The following NLGN1 variants were observed in gnomAD, a reference collection of about 807,000 sequenced individuals.
The protein encoded by NLGN1 is neuroligin 1.
NLGN1 carries 12 observed loss-of-function variants against 65.5 expected under a neutral mutation model. The observed-to-expected ratio is 0.18, with a 90% CI of 0.12 to 0.30. The LOEUF is 0.30. Ranked by LOEUF, NLGN1 falls within the 10% of genes least tolerant of loss-of-function variation. NLGN1 has a pLI of 1.00. For synonymous variants in NLGN1, 350 were observed against 359.5 expected (o/e 0.97, Z 0.30); for missense variants, 750 against 1,007.1 (o/e 0.74, Z 3.46).
At chr3:173,866,252 T>C (rs549081218) in intron 4 of NLGN1, among the ~76,000 whole-genome samples, 1 of 152,224 alleles carries the variant, frequency 6.6e-6, no homozygotes, top group South Asian at 2.1e-4. Context: ...AGTAATTAGA[T>C]AGGTAGTGAT....
At chr3:173,813,506 A>G (rs374226552) in intron 4 of NLGN1, among the ~76,000 whole-genome samples, 190 of 152,348 alleles carry the variant, frequency 1.2e-3, no homozygotes, top group African/African-American at 4.5e-3. Flanking sequence ...AAGGCCACAA[A>G]GAGTGGAGTA....
intron 3 of NLGN1, among the ~76,000 whole-genome samples, chr3:173,639,946 T>G (rs940605115): frequency 6.6e-6 from 1 of 152,150 alleles, no homozygotes; most frequent in East Asian, 1.9e-4. Context: ...CTGTCTCTTT[T>G]CTTCTTCCCA....
intron 4 of NLGN1, 132 bp downstream of exon 4, chr3:173,807,964 T>G: frequency 1.2e-6 from 1 of 816,574 alleles, no homozygotes; most frequent in Non-Finnish European, 2.0e-6. Flanking sequence ...CGAGCCCAAA[T>G]TTTTTATAGT....
In NLGN1 at chr3:173,676,162, G is replaced by A. The variant is rs77303583; in HGVS notation, c.493+71071G>A. Among the ~76,000 whole-genome samples the A allele has an allele frequency of 6.6e-3, 997 of 152,032 alleles. 13 individuals are homozygous for A. Among genetic ancestry groups the A allele is most frequent in the African/African-American group, 0.023 (951 of 41,490 alleles). Reference sequence around the variant, plus strand: ...TAATAATAATAAGATATAGCAAAAGGAAACTAGAAAGAAAATGCTTCATTG... The same window carrying A: ...TAATAATAATAAGATATAGCAAAAGAAAACTAGAAAGAAAATGCTTCATTG... On this transcript the variant is annotated intron_variant, in intron 3 of 6. Coordinates refer to ENST00000457714, the Ensembl canonical transcript of NLGN1.
chr3:174,053,622 G>T (rs1735393742), intron 4 of NLGN1, among the ~76,000 whole-genome samples: 1 of 151,980 alleles, frequency 6.6e-6, no homozygotes, highest in Non-Finnish European at 1.5e-5. Context: ...TCCTCTAGGT[G>T]CTAGCATTGA....
chr3:174,236,303 C>A (rs2152824216), intron 4 of NLGN1, among the ~76,000 whole-genome samples: 1 of 152,090 alleles, frequency 6.6e-6, no homozygotes, highest in South Asian at 2.1e-4. Flanking sequence ...TTCTCTATGC[C>A]TATATATATT....
intron 2 of NLGN1, among the ~76,000 whole-genome samples, chr3:173,526,748 C>G (rs1408730520): frequency 6.6e-6 from 1 of 152,208 alleles, no homozygotes; most frequent in Non-Finnish European, 1.5e-5. Flanking sequence ...GCTTTCCCCA[C>G]TACCCTTTCC....
chr3:173,771,757 A>C (rs2150266777), intron 3 of NLGN1, among the ~76,000 whole-genome samples: 1 of 147,548 alleles, frequency 6.8e-6, no homozygotes, highest in Middle Eastern at 3.4e-3. Context: ...ACTTTTAATA[A>C]AAACTTTTTA....
intron 2 of NLGN1, among the ~76,000 whole-genome samples, chr3:173,589,533 G>A (rs1321815772): frequency 6.6e-6 from 1 of 152,212 alleles, no homozygotes; most frequent in Non-Finnish European, 1.5e-5. Flanking sequence ...GGCAGTGCAT[G>A]TGGAGGAAAA....
intron 4 of NLGN1, among the ~76,000 whole-genome samples, chr3:173,947,429 C>T (rs1302842627): frequency 6.6e-6 from 1 of 152,120 alleles, no homozygotes; most frequent in Non-Finnish European, 1.5e-5. Flanking sequence ...GTCCTTAGCA[C>T]TTTGTATATT....
At chr3:174,156,821 G>A (rs1402789658) in intron 4 of NLGN1, among the ~76,000 whole-genome samples, 1 of 151,524 alleles carries the variant, frequency 6.6e-6, no homozygotes, top group South Asian at 2.1e-4. Context: ...GCAAAGCTAC[G>A]TGGCAAGTTA....
Position 174,279,873 on chromosome 3 carries a change from C to T in NLGN1, c.1649+223C>T, listed in dbSNP as rs1002806420. Among the ~76,000 whole-genome samples, 1 of 151,894 alleles carries T rather than the reference C, an allele frequency of 6.6e-6. No homozygotes were observed. The highest frequency in any genetic ancestry group is 2.4e-5 in the African/African-American group (1 of 41,396). On this transcript the variant is annotated intron_variant, in intron 6 of 6. Transcript: ENST00000457714. This position sits in a 1 kb window ranked among gnomAD's most constrained non-coding sequence, Gnocchi z 4.7. ...GTTAAGAAAGCACATATCTCAATTG[C>T]ATTACTTAATTACATCTGCTTTTGG... is the stretch of plus-strand genomic sequence containing the variant.
At chr3:173,802,298 A>G (rs1715604259) in intron 3 of NLGN1, among the ~76,000 whole-genome samples, 1 of 152,174 alleles carries the variant, frequency 6.6e-6, no homozygotes, top group Non-Finnish European at 1.5e-5. Flanking sequence ...GCCATTTAAA[A>G]TATCCTAAAA....
intron 3 of NLGN1, among the ~76,000 whole-genome samples, chr3:173,659,926 G>A (rs541041178): frequency 6.6e-6 from 1 of 152,012 alleles, no homozygotes; most frequent in East Asian, 1.9e-4. Flanking sequence ...CCATCTTGCA[G>A]GCTAAATGTG....
chr3:174,074,282 GC>G (rs1368511171), intron 4 of NLGN1, among the ~76,000 whole-genome samples: 2 of 152,064 alleles, frequency 1.3e-5, no homozygotes, highest in Non-Finnish European at 2.9e-5. Context: ...CACAATTATT[GC>G]CCATTTCCTA....
At chr3:173,948,792 A>C (rs530261293) in intron 4 of NLGN1, among the ~76,000 whole-genome samples, 1 of 152,286 alleles carries the variant, frequency 6.6e-6, no homozygotes, top group Non-Finnish European at 1.5e-5. Context: ...GATTATTCCT[A>C]AAGTTTTATT....
intron 4 of NLGN1, among the ~76,000 whole-genome samples, chr3:173,911,117 T>A (rs1427020800): frequency 6.6e-6 from 1 of 152,168 alleles, no homozygotes; most frequent in Non-Finnish European, 1.5e-5. Context: ...GAAAACAAAC[T>A]GTTATAATAT....
intron 2 of NLGN1, among the ~76,000 whole-genome samples, chr3:173,498,143 T>C (rs1056537139): frequency 2.0e-5 from 3 of 151,686 alleles, no homozygotes; most frequent in Non-Finnish European, 2.9e-5. Flanking sequence ...CATGTTGGTG[T>C]GCTGCACCCA....
intron 4 of NLGN1, among the ~76,000 whole-genome samples, chr3:173,820,769 CTG>C (rs1038812331): frequency 5.3e-5 from 8 of 152,074 alleles, no homozygotes; most frequent in African/African-American, 1.7e-4. Flanking sequence ...GAGAGTAAAA[CTG>C]TGAGTGAGGG....
Sources: allele counts gnomAD v4.1 joint callset (sites outside exome capture counted in the v4.1 genomes callset), GRCh38; gene constraint gnomAD v4.1.1; non-coding constraint Gnocchi (gnomAD v3.1); transcripts MANE v1.5; gene names NCBI Gene and HGNC (gene_info 2026-07-23, HGNC 2026-07-21).